RECQL: variants seen among roughly 807,000 people sequenced by gnomAD.
The protein encoded by RECQL is ATP-dependent DNA helicase Q1.
A neutral mutation model predicts 75.8 loss-of-function variants in RECQL; 73 were observed. The observed-to-expected ratio is 0.96, with a 90% CI of 0.80 to 1.17. The LOEUF (loss-of-function observed/expected upper bound fraction) is 1.17. RECQL is among the 50% of genes most tolerant of loss of function. The probability of loss-of-function intolerance (pLI) is 0.00; values close to 1 mark genes in which losing one functional copy is unlikely to be tolerated. For missense variants in RECQL, 699 were observed against 772.1 expected, an observed-to-expected ratio of 0.91 and a Z score of 1.12; for synonymous variants, 248 against 254.4, an observed-to-expected ratio of 0.97 and a Z score of 0.24.
chr12:21,501,017 A>G (rs897865148), intron 1 of RECQL, among the ~76,000 whole-genome samples, 153 bp downstream of exon 1: 7 of 152,228 alleles, frequency 4.6e-5, no homozygotes, highest in East Asian at 3.9e-4. Flanking sequence ...CCAGTCATCA[A>G]TGTTGGAGGA....
At chr12:21,498,690 C>T (rs1943552551) in intron 2 of RECQL, among the ~76,000 whole-genome samples, 1 of 152,102 alleles carries the variant, frequency 6.6e-6, no homozygotes, top group Admixed American at 6.5e-5. Flanking sequence ...TAGTGCACCT[C>T]TCAGTATTCC....
chr12:21,498,164 T>G (rs1289150804), intron 2 of RECQL, among the ~76,000 whole-genome samples: 1 of 152,214 alleles, frequency 6.6e-6, no homozygotes, highest in East Asian at 1.9e-4. Context: ...CTGGTCTAAC[T>G]ATGTTCACCA....
Position 21,471,555 on chromosome 12 carries a change from T to G in RECQL, c.1540A>C (p.Lys514Gln), listed in dbSNP as rs550099360. The change falls in exon 13 of 15, where the codon AAA becomes CAA. Residue 514 changes from lysine (K) to glutamine (Q), a missense_variant. Lys to Gln is a moderately conservative substitution (Grantham distance 53, BLOSUM62 1). Around this residue, in one of 2 missense-constraint regions of RECQL, gnomAD observed 669 missense variants for 713.5 expected, o/e 0.94. Transcript: ENST00000444129. Reference protein sequence around the residue: ...EELNEKLTPLKLIDSWMGKGA... With the variant: ...EELNEKLTPLQLIDSWMGKGA... ...TTTCCCATCCAAGAATCAATCAGTT[T>G]CAATGGAGTGAGTTTTTCATTCAGT... 5.6e-6 allele frequency: 9 copies of G among 1,612,852 alleles called. No homozygotes were observed. In the African/African-American group the frequency reaches 8.0e-5, roughly 14 times the overall value.
chr12:21,489,853 G>T (rs534695135), intron 4 of RECQL, among the ~76,000 whole-genome samples: 2 of 152,236 alleles, frequency 1.3e-5, no homozygotes, highest in African/African-American at 4.8e-5. Flanking sequence ...AATCTCAGAA[G>T]TTTTTAAAAC....
chr12:21,481,665 G>A (rs1445668407), intron 6 of RECQL, among the ~76,000 whole-genome samples: 1 of 152,124 alleles, frequency 6.6e-6, no homozygotes, highest in Non-Finnish European at 1.5e-5. Flanking sequence ...TAATAATTCT[G>A]TAGGTAGAGA....
In RECQL at chr12:21,501,618, C is replaced by T. The variant is rs1943623637; in HGVS notation, c.-494G>A. On this transcript the variant is annotated 5_prime_UTR_variant, in exon 1 of 15. Transcript: ENST00000444129. ...CTCGGGAGTAAAATCTTCCCGCCAG[C>T]CAGCTGAGAGCATCCACCCTTCCGG... The T allele has an allele frequency of 2.5e-6, 1 of 407,636 alleles. No individual in the cohort carries two copies. Among genetic ancestry groups the T allele is most frequent in the Non-Finnish European group, 4.5e-6 (1 of 223,024 alleles). The allele number at this position is 407,636 out of a possible 1,614,324, so 25.3% of individuals were successfully genotyped here. A position where few individuals can be genotyped will look rare whatever the true frequency, so the allele number is the denominator to read the frequency against.
intron 12 of RECQL, among the ~76,000 whole-genome samples, chr12:21,473,120 C>T (rs919441768): frequency 6.6e-6 from 1 of 152,114 alleles, no homozygotes; most frequent in African/African-American, 2.4e-5. Context: ...ATACTTCTCT[C>T]ATGTCCCAGC....
intron 1 of RECQL, 57 bp from the exon 2 acceptor site, chr12:21,499,672 T>C: frequency 2.3e-6 from 2 of 874,086 alleles, no homozygotes; most frequent in Non-Finnish European, 3.7e-6. Context: ...CTATTAATGA[T>C]GTTCACTCAA....
At chr12:21,501,012 C>T (rs1190429881) in intron 1 of RECQL, among the ~76,000 whole-genome samples, 158 bp downstream of exon 1, 1 of 152,140 alleles carries the variant, frequency 6.6e-6, no homozygotes. Flanking sequence ...GACAGCCAGT[C>T]ATCAATGTTG....
chr12:21,485,710 GAATA>G (rs1178494224), intron 5 of RECQL, among the ~76,000 whole-genome samples: 2 of 151,840 alleles, frequency 1.3e-5, no homozygotes. Context: ...AATTTGTTCT[GAATA>G]AATAAACTAA....
At chr12:21,500,144 T>C (rs961100488) in intron 1 of RECQL, among the ~76,000 whole-genome samples, 1 of 152,186 alleles carries the variant, frequency 6.6e-6, no homozygotes, top group Admixed American at 6.5e-5. Context: ...ATAAAATTAA[T>C]CATCTAACAT....
At chr12:21,500,480 C>T (rs369109175) in intron 1 of RECQL, among the ~76,000 whole-genome samples, 2 of 152,302 alleles carry the variant, frequency 1.3e-5, no homozygotes, top group South Asian at 4.1e-4. Flanking sequence ...ACCTTACGCC[C>T]TTTCTACACA....
rs917851 is a variant in RECQL, at chr12:21,473,353, G to A, written c.1447+198C>T. On this transcript the variant is annotated intron_variant, in intron 12 of 14. Transcript: ENST00000444129. ...CCTGCAGTATGCAGTACAGTAACAC[G>A]CTGTACAGATTGGTAGCCTAGGATC... 0.19 allele frequency among the ~76,000 whole-genome samples: 28,130 copies of A among 152,048 alleles called. 2,864 individuals are homozygous for A. The highest frequency in any genetic ancestry group is 0.31 in the Middle Eastern group (90 of 294).
chr12:21,499,622 A>C lies in RECQL; in HGVS notation c.-45-7T>G, dbSNP rs764996429. 7 of 1,469,738 alleles carry C rather than the reference A, an allele frequency of 4.8e-6. No individual in the cohort carries two copies. Among genetic ancestry groups the C allele is most frequent in the Non-Finnish European group, 6.6e-6 (7 of 1,063,798 alleles). 91.0% of individuals were successfully genotyped at this position (1,469,738 alleles called of 1,614,324 possible). A position where few individuals can be genotyped will look rare whatever the true frequency, so the allele number is the denominator to read the frequency against. ...AAATAATCCAAATTTCTTTCTAAAA[A>C]TAAAAGCACAACAGTGACAACAAGT... On this transcript the variant is annotated splice_polypyrimidine_tract_variant and splice_region_variant and intron_variant, in intron 1 of 14. Transcript: ENST00000444129.
In RECQL at chr12:21,469,289, A is replaced by C. The variant is rs1942867270; in HGVS notation, c.*905T>G. ...CTACAAGCTTGTCCAACTCTAGCCCACGGGTCTAATGCAGCCCAGAACAGC... is the reference window on the plus strand; with the variant it reads ...CTACAAGCTTGTCCAACTCTAGCCCCCGGGTCTAATGCAGCCCAGAACAGC... On this transcript the variant is annotated 3_prime_UTR_variant, in exon 15 of 15. Transcript: ENST00000444129. 6 of 154,658 alleles carry C rather than the reference A, an allele frequency of 3.9e-5. No individual in the cohort carries two copies. The highest frequency in any genetic ancestry group is 3.2e-4 in the Admixed American group (5 of 15,580). 9.6% of individuals were successfully genotyped at this position (154,658 alleles called of 1,614,324 possible). A position where few individuals can be genotyped will look rare whatever the true frequency, so the allele number is the denominator to read the frequency against.
In RECQL at chr12:21,472,831, A is replaced by G. The variant is rs187275731; in HGVS notation, c.1447+720T>C. On this transcript the variant is annotated intron_variant, in intron 12 of 14. Transcript: ENST00000444129. ...TCAAAAGTGATTCTCTATAGTCTCT[A>G]TTTTGCACTAAATTTTCTTTTCAAT... Among the ~76,000 whole-genome samples, 7 of 152,188 alleles carry G rather than the reference A, an allele frequency of 4.6e-5. No individual in the cohort carries two copies. In the East Asian group the frequency reaches 1.4e-3, roughly 29 times the overall value.
chr12:21,500,407 C>T (rs1294939724), intron 1 of RECQL, among the ~76,000 whole-genome samples: 1 of 152,160 alleles, frequency 6.6e-6, no homozygotes, highest in East Asian at 1.9e-4. Flanking sequence ...CTAATATGGA[C>T]ATTTTCTAAA....
At chr12:21,474,706 T>A in intron 11 of RECQL, 135 bp downstream of exon 11, 1 of 768,122 alleles carries the variant, frequency 1.3e-6, no homozygotes, top group Non-Finnish European at 2.1e-6. Flanking sequence ...TGCTGGTTCC[T>A]ACCCTCCAAC....
intron 6 of RECQL, among the ~76,000 whole-genome samples, chr12:21,479,599 C>T (rs985313893): frequency 6.6e-6 from 1 of 152,006 alleles, no homozygotes; most frequent in Non-Finnish European, 1.5e-5. Flanking sequence ...GTGATCCGCC[C>T]GCCTCGGCCT....
Sources: gnomAD v4.1 joint callset for allele counts (sites outside exome capture counted in the v4.1 genomes callset) on GRCh38, gnomAD v4.1.1 for gene constraint, gnomAD v4.1.1 regional missense constraint, MANE v1.5 for transcripts, NCBI Gene and HGNC (gene_info 2026-07-23, HGNC 2026-07-21) for gene names.